Variants in CDH3 observed in about 807,000 individuals in gnomAD.
The protein encoded by CDH3 is cadherin 3, also known as cadherin-3.
In CDH3, 54 loss-of-function variants were observed where a neutral mutation model predicts 82.0. The observed-to-expected ratio is 0.66, with a 90% confidence interval of 0.53 to 0.83. The LOEUF is 0.83. Among genes scored for constraint, CDH3 ranks in the 40% least tolerant of loss-of-function variants. CDH3 has a pLI of 0.00. For missense variants in CDH3, 1,054 were observed against 1,084.6 expected (o/e 0.97, Z 0.40); for synonymous variants, 446 against 437.9 (o/e 1.02, Z -0.23).
chr16:68,698,476 C>T lies in CDH3; in HGVS notation c.*76C>T. 7.3e-7 allele frequency: 1 copy of T among 1,360,746 alleles called. No homozygotes were observed. Among genetic ancestry groups the T allele is most frequent in the East Asian group, 2.3e-5 (1 of 43,190 alleles). The allele number at this position is 1,360,746 out of a possible 1,614,324, so 84.3% of individuals were successfully genotyped here. On this transcript the variant is annotated 3_prime_UTR_variant, in exon 16 of 16. Coordinates refer to ENST00000264012, the MANE Select transcript of CDH3 (RefSeq NM_001793.6). ...CAAGGGGTCTCAGTTCCCCCTTCAGCTGAGGACTTCGGAGCTTGTCAGGAA... is the reference window on the plus strand; with the variant it reads ...CAAGGGGTCTCAGTTCCCCCTTCAGTTGAGGACTTCGGAGCTTGTCAGGAA...
intron 2 of CDH3, among the ~76,000 whole-genome samples, chr16:68,648,172 A>G (rs1378440687): frequency 6.6e-6 from 1 of 152,188 alleles, no homozygotes; most frequent in Non-Finnish European, 1.5e-5. Flanking sequence ...TTGAAGGTGG[A>G]GAAACAGAGG....
Position 68,698,271 on chromosome 16 carries a change from C to G in CDH3, c.2361C>G (p.Ser787=). 1 of 1,614,260 alleles carries G rather than the reference C, an allele frequency of 6.2e-7. No individual in the cohort carries two copies. Among genetic ancestry groups the G allele is most frequent in the South Asian group, 1.1e-5 (1 of 91,090 alleles). The change falls in exon 16 of 16, where the codon TCC becomes TCG. Residue 787 remains serine, a synonymous_variant. Transcript: ENST00000264012. ...TGTTCGACTATGAGGGCAGCGGCTC[C>G]GACGCCGCGTCCCTGAGCTCCCTCA... ...LLVFDYEGSG[S]DAASLSSLTS...
intron 7 of CDH3, among the ~76,000 whole-genome samples, 184 bp downstream of exon 7, chr16:68,680,158 G>A (rs1193789998): frequency 3.9e-5 from 6 of 152,242 alleles, no homozygotes; most frequent in Non-Finnish European, 5.9e-5. Context: ...CCTGTGGCCC[G>A]CTGCCAGCCA....
intron 1 of CDH3, among the ~76,000 whole-genome samples, chr16:68,711,038 A>T (rs1322862237): frequency 7.4e-6 from 1 of 134,740 alleles, no homozygotes. Flanking sequence ...AGAGAAGGCG[A>T]GGTGGCTCAT....
At chr16:68,728,409 C>T (rs1383935362), downstream of CDH3, among the ~76,000 whole-genome samples, 1 of 152,112 alleles carries the variant, frequency 6.6e-6, no homozygotes, top group Non-Finnish European at 1.5e-5. Flanking sequence ...TCGTCATCTG[C>T]CCGCCTCGGC....
At chr16:68,646,193 A>C in intron 2 of CDH3, 1 of 186,872 alleles carries the variant, frequency 5.4e-6, no homozygotes. Context: ...CGACAGACAG[A>C]CCGGGTCTGT....
At position 68,695,311 on chromosome 16, in the gene CDH3, C is replaced by G. The variant is rs779901925; in HGVS notation, c.2059C>G (p.Leu687Val). 14 of 1,614,084 alleles carry G rather than the reference C, an allele frequency of 8.7e-6. No homozygotes were observed. The highest frequency in any genetic ancestry group is 1.2e-5 in the Non-Finnish European group (14 of 1,180,018). Residue 687 changes from leucine (L) to valine (V), a missense_variant, in exon 14 of 16, where the codon CTC becomes GTC. By Grantham distance (32) the Leu-to-Val change is conservative. Coordinates refer to ENST00000264012, the MANE Select transcript of CDH3 (RefSeq NM_001793.6). ...AAAGAAGCGGAAGATCAAGGAGCCCCTCCTACTCCCAGAAGATGACACCCG... is the reference window on the plus strand; with the variant it reads ...AAAGAAGCGGAAGATCAAGGAGCCCGTCCTACTCCCAGAAGATGACACCCG... ...VRKKRKIKEP[L>V]LLPEDDTRDN...
In CDH3 at chr16:68,678,536, C is replaced by A. The variant is rs1197801234; in HGVS notation, c.426C>A (p.Phe142Leu). ...ATAAAGATAGAGACACCAAGATTTT[C>A]TACAGCATCACGGGGCCGGGGGCAG... ...KSNKDRDTKIFYSITGPGADS... is the reference protein window; with the variant it reads ...KSNKDRDTKILYSITGPGADS... The change falls in exon 5 of 16, where the codon TTC (phenylalanine) becomes TTA (leucine). Residue 142 changes from phenylalanine to leucine, a missense_variant. Transcript: ENST00000264012. 2.5e-6 allele frequency: 4 copies of A among 1,614,142 alleles called. No homozygotes were observed. The highest frequency in any genetic ancestry group is 3.3e-5 in the Admixed American group (2 of 60,012).
rs993410589 is a variant in CDH3 at position 68,695,505 on chromosome 16, G to A, written c.2133+120G>A. ...GACCAGGCCCTGGCATGAAGCATGC[G>A]TCTTCCTTTTCTAACATCCTCCAGC... On this transcript the variant is annotated intron_variant, in intron 14 of 15. Coordinates refer to ENST00000264012, the MANE Select transcript of CDH3 (RefSeq NM_001793.6). 50 of 1,055,818 alleles carry A rather than the reference G, an allele frequency of 4.7e-5. 1 individual carries two copies. The highest frequency in any genetic ancestry group is 2.2e-4 in the Admixed American group (10 of 46,406). 65.4% of individuals were successfully genotyped at this position (1,055,818 alleles called of 1,614,324 possible).
At chr16:68,731,233 G>T (rs1962282676), downstream of CDH3, among the ~76,000 whole-genome samples, 1 of 133,728 alleles carries the variant, frequency 7.5e-6, no homozygotes, top group Non-Finnish European at 1.6e-5. Context: ...GGTGGCGCAT[G>T]CCTGTAATCC....
In CDH3 at chr16:68,694,161, A is replaced by AAAAT. The variant is rs113486632; in HGVS notation, c.2003-1077_2003-1074dup. Among the ~76,000 whole-genome samples the AAAAT allele has an allele frequency of 2.5e-4, 38 of 151,946 alleles. No individual in the cohort carries two copies. The East Asian group carries it at 7.0e-3, about 28-fold the overall frequency. ...GGTGACAGAGCGAGACTCTGTTTCA[A>AAAAT]AAATAAATAAATAAATAAATGGGCC... On this transcript the variant is annotated intron_variant, in intron 13 of 15. Coordinates refer to ENST00000264012, the MANE Select transcript of CDH3 (RefSeq NM_001793.6).
intron 1 of CDH3, among the ~76,000 whole-genome samples, chr16:68,711,789 CAG>C (rs961155818): frequency 2.6e-5 from 4 of 152,136 alleles, no homozygotes; most frequent in Non-Finnish European, 4.4e-5. Context: ...CACTGACTCA[CAG>C]AGAGGAGCAG....
chr16:68,689,507 G>A (rs1388232120), intron 12 of CDH3, among the ~76,000 whole-genome samples: 3 of 150,938 alleles, frequency 2.0e-5, no homozygotes, highest in African/African-American at 4.9e-5. Flanking sequence ...CTGCACTCCA[G>A]CCTGGGTGAC....
intron 11 of CDH3, among the ~76,000 whole-genome samples, chr16:68,687,216 GC>G (rs1479567503): frequency 6.6e-5 from 10 of 152,190 alleles, no homozygotes; most frequent in Non-Finnish European, 1.5e-5. Flanking sequence ...GTGAAGGGAA[GC>G]TTCCCTGAAG....
At chr16:68,650,560 C>A (rs1960209442) in intron 2 of CDH3, among the ~76,000 whole-genome samples, 1 of 152,218 alleles carries the variant, frequency 6.6e-6, no homozygotes, top group Non-Finnish European at 1.5e-5. Context: ...CTTGGCCTCC[C>A]AGAGTGCTGG....
downstream of CDH3, among the ~76,000 whole-genome samples, chr16:68,703,882 G>T (rs1961926206): frequency 6.6e-6 from 1 of 152,174 alleles, no homozygotes; most frequent in African/African-American, 2.4e-5. Flanking sequence ...GGGAGGCAGA[G>T]GTTGCAGTGA....
intron 1 of CDH3, among the ~76,000 whole-genome samples, chr16:68,713,099 T>C (rs1300291231): frequency 6.6e-6 from 1 of 152,090 alleles, no homozygotes; most frequent in Non-Finnish European, 1.5e-5. Flanking sequence ...CCACTCTCTG[T>C]GTCTCTATGG....
intron 2 of CDH3, chr16:68,651,876 T>A: frequency 2.1e-6 from 1 of 471,468 alleles, no homozygotes; most frequent in Admixed American, 2.5e-5. Flanking sequence ...CTTCTGGGGG[T>A]CATATCTGGA....
At chr16:68,680,850 T>C (rs1421972947) in intron 7 of CDH3, 118 bp from the exon 8 acceptor site, 3 of 1,151,140 alleles carry the variant, frequency 2.6e-6, no homozygotes, top group Non-Finnish European at 3.9e-6. Context: ...GTCAGCGTTA[T>C]GATAGGGAGA....
Sources: gnomAD v4.1 joint callset for allele counts (sites outside exome capture counted in the v4.1 genomes callset) on GRCh38, gnomAD v4.1.1 for gene constraint, MANE v1.5 for transcripts, NCBI Gene and HGNC (gene_info 2026-07-23, HGNC 2026-07-21) for gene names.